Variants in FGF14 observed in about 807,000 individuals in gnomAD.
FGF14 encodes the protein fibroblast growth factor homologous factor 4.
FGF14 carries 5 observed loss-of-function variants against 25.5 expected under a neutral mutation model. The ratio of observed to expected loss-of-function variants is 0.20; its 90% CI spans 0.10 to 0.41. The LOEUF is 0.41. Ranked by LOEUF, FGF14 falls within the 10% of genes least tolerant of loss-of-function variation. The pLI, the probability that FGF14 is intolerant of heterozygous loss-of-function variation, is 1.00. For missense variants in FGF14, 222 were observed against 320.1 expected (o/e 0.69, Z 2.34); for synonymous variants, 138 against 118.3 (o/e 1.17, Z -1.08).
At chr13:101,831,597 G>A (rs549477316) in intron 3 of FGF14, among the ~76,000 whole-genome samples, 3 of 152,042 alleles carry the variant, frequency 2.0e-5, no homozygotes, top group Non-Finnish European at 4.4e-5. Flanking sequence ...TTCCCCAGGA[G>A]AGACAAAATG....
At position 101,763,792 on chromosome 13, in the gene FGF14, G is replaced by A. The variant is rs181857846; in HGVS notation, c.409-36982C>T. Among the ~76,000 whole-genome samples the A allele has an allele frequency of 6.9e-3, 1,047 of 152,218 alleles. 2 individuals are homozygous for A. Among genetic ancestry groups the A allele is most frequent in the Non-Finnish European group, 8.4e-3 (574 of 68,008 alleles). Reference sequence around the variant, plus strand: ...GGAGAATGGCTTGAACCTGGGAGGCGGAGGTTGCAGTGAGCCGAGATTGCA... The same window carrying A: ...GGAGAATGGCTTGAACCTGGGAGGCAGAGGTTGCAGTGAGCCGAGATTGCA... On this transcript the variant is annotated intron_variant, in intron 3 of 4. Coordinates refer to ENST00000376143, the MANE Select transcript of FGF14 (RefSeq NM_004115.4).
intron 1 of FGF14, among the ~76,000 whole-genome samples, chr13:102,087,394 T>TAC (rs67801666): frequency 0.37 from 51,020 of 136,676 alleles, 11,635 homozygotes; most frequent in Non-Finnish European, 0.51. Context: ...TAGTAAAAAA[T>TAC]AGACTGTAAT....
intron 1 of FGF14, among the ~76,000 whole-genome samples, chr13:102,336,878 A>G (rs1185911313): frequency 1.3e-5 from 2 of 152,218 alleles, no homozygotes; most frequent in Non-Finnish European, 2.9e-5. Flanking sequence ...TGTTTATAGC[A>G]CAGTTTACTG....
At chr13:102,227,481 A>T (rs2050878438) in intron 1 of FGF14, among the ~76,000 whole-genome samples, 1 of 152,132 alleles carries the variant, frequency 6.6e-6, no homozygotes, top group Non-Finnish European at 1.5e-5. Context: ...AAAATTGTGT[A>T]CATTTTTGTC....
In FGF14 at chr13:102,171,375, T is replaced by C. The variant is rs556976511; in HGVS notation, c.208+230096A>G. The stretch of plus-strand genomic sequence containing the variant: ...TAATAATGTCTTCAAAAAATCCTGA[T>C]GCTTACATGCTTACCATCATTAGAA... On this transcript the variant is annotated intron_variant, in intron 1 of 4. Coordinates refer to the FGF14 transcript ENST00000376131. 5.9e-5 allele frequency among the ~76,000 whole-genome samples: 9 copies of C among 152,322 alleles called. No individual in the cohort carries two copies. The East Asian group carries it at 1.4e-3, about 23-fold the overall frequency.
chr13:101,882,494 C>T (rs1246978666), intron 1 of FGF14, among the ~76,000 whole-genome samples: 1 of 151,416 alleles, frequency 6.6e-6, no homozygotes. Flanking sequence ...TCTATTTCTT[C>T]AGATAAATAG....
chr13:101,975,504 C>T (rs2037866306), intron 1 of FGF14, among the ~76,000 whole-genome samples: 2 of 152,114 alleles, frequency 1.3e-5, no homozygotes, highest in African/African-American at 4.8e-5. Context: ...CTTCCTGCCT[C>T]GTTATTTCAT....
At chr13:101,780,139 A>G (rs2039399469) in intron 3 of FGF14, among the ~76,000 whole-genome samples, 1 of 152,130 alleles carries the variant, frequency 6.6e-6, no homozygotes, top group African/African-American at 2.4e-5. Context: ...GTGGTACAAT[A>G]TTTACTATTT....
At chr13:101,767,130 T>C (rs1002987940) in intron 3 of FGF14, among the ~76,000 whole-genome samples, 14 of 152,208 alleles carry the variant, frequency 9.2e-5, no homozygotes, top group Admixed American at 3.9e-4. Context: ...GGCCTTTACA[T>C]ATCACATATC....
At chr13:102,278,627 A>ATATATATAT (rs2053663144) in intron 1 of FGF14, among the ~76,000 whole-genome samples, 2 of 147,460 alleles carry the variant, frequency 1.4e-5, no homozygotes, top group Non-Finnish European at 3.0e-5. Flanking sequence ...CATTTTATGT[A>ATATATATAT]ATATATATAT....
At position 101,907,840 on chromosome 13, in the gene FGF14, A is replaced by C. The variant is rs376244591; in HGVS notation, c.193+8613T>G. ...AGAAGAGAAGAAAATTATTGGATTGATTTCCCTGAGTAGGAGAGATGGTCT... is the reference window on the plus strand; with the variant it reads ...AGAAGAGAAGAAAATTATTGGATTGCTTTCCCTGAGTAGGAGAGATGGTCT... On this transcript the variant is annotated intron_variant, in intron 1 of 4. Transcript: ENST00000376143. Among the ~76,000 whole-genome samples, 11 of 152,262 alleles carry C rather than the reference A, an allele frequency of 7.2e-5. No homozygotes were observed. The South Asian group carries it at 2.1e-3, about 29-fold the overall frequency.
Position 102,326,510 on chromosome 13 carries a change from G to A in FGF14, c.208+74961C>T, listed in dbSNP as rs151321901. On this transcript the variant is annotated intron_variant, in intron 1 of 4. Transcript: ENST00000376131. The stretch of plus-strand genomic sequence containing the variant: ...AAATATTTAGCACTACTTCCTCATC[G>A]CTGAAGGAAGAAAAAAGTACTTATC... Among the ~76,000 whole-genome samples, 977 of 151,988 alleles carry A rather than the reference G, an allele frequency of 6.4e-3. 12 individuals carry two copies. The highest frequency in any genetic ancestry group is 0.023 in the African/African-American group (937 of 41,446).
intron 1 of FGF14, among the ~76,000 whole-genome samples, chr13:102,215,824 G>A (rs79546867): frequency 0.012 from 1,755 of 152,284 alleles, 34 homozygotes; most frequent in African/African-American, 0.039. Flanking sequence ...TAGGGACGAC[G>A]CTATGTACAT....
chr13:102,328,419 T>G (rs1356446686), intron 1 of FGF14, among the ~76,000 whole-genome samples: 1 of 152,222 alleles, frequency 6.6e-6, no homozygotes, highest in Non-Finnish European at 1.5e-5. Context: ...CTTCCATATT[T>G]CTAGAAAAAC....
At chr13:102,339,714 T>A (rs894014461) in intron 1 of FGF14, among the ~76,000 whole-genome samples, 1 of 152,298 alleles carries the variant, frequency 6.6e-6, no homozygotes, top group African/African-American at 2.4e-5. Context: ...GAAAAAGACA[T>A]TTTTAGACAT....
intron 1 of FGF14, among the ~76,000 whole-genome samples, chr13:102,352,539 G>A (rs191102279): frequency 5.9e-4 from 90 of 152,272 alleles, no homozygotes; most frequent in African/African-American, 2.0e-3. Context: ...TTGGCCGGGC[G>A]CGGTGGCTCA....
chr13:101,888,181 A>T (rs999731481), intron 1 of FGF14, among the ~76,000 whole-genome samples: 1 of 152,188 alleles, frequency 6.6e-6, no homozygotes, highest in African/African-American at 2.4e-5. Flanking sequence ...TGCACACTGA[A>T]CATCAGAGAA....
At chr13:102,167,252 C>T (rs1044444402) in intron 1 of FGF14, among the ~76,000 whole-genome samples, 3 of 137,754 alleles carry the variant, frequency 2.2e-5, no homozygotes, top group Non-Finnish European at 3.0e-5. Flanking sequence ...GCAGGAGAAT[C>T]GTGTGAACCC....
chr13:101,753,658 C>G (rs1380230061), intron 3 of FGF14, among the ~76,000 whole-genome samples: 1 of 152,074 alleles, frequency 6.6e-6, no homozygotes, highest in Non-Finnish European at 1.5e-5. Context: ...TAAAAATCAG[C>G]TGGGCGTGGT....
Sources: allele counts gnomAD v4.1 joint callset (sites outside exome capture counted in the v4.1 genomes callset), GRCh38; gene constraint gnomAD v4.1.1; transcripts MANE v1.5; gene names NCBI Gene and HGNC (gene_info 2026-07-23, HGNC 2026-07-21).